MACROD2: variants seen among roughly 807,000 people sequenced by gnomAD.
MACROD2 encodes the protein ADP-ribose glycohydrolase MACROD2.
Under a neutral mutation model 70.4 loss-of-function variants are expected in MACROD2, and 36 were observed. That is an observed-to-expected ratio of 0.51 (90% CI 0.39 to 0.68). MACROD2 has a LOEUF of 0.68. Ranked by LOEUF, MACROD2 falls within the 30% of genes least tolerant of loss-of-function variation. MACROD2 has a pLI of 0.00. For synonymous variants in MACROD2, 172 were observed against 178.8 expected (o/e 0.96, Z 0.30); for missense variants, 496 against 538.4 (o/e 0.92, Z 0.78).
At chr20:14,067,489 T>A (rs2053779524) in intron 2 of MACROD2, among the ~76,000 whole-genome samples, 1 of 152,222 alleles carries the variant, frequency 6.6e-6, no homozygotes, top group African/African-American at 2.4e-5. Flanking sequence ...TACATTTTAC[T>A]AAAAGGGCAG....
At chr20:15,497,590 G>A (rs1051406942) in intron 7 of MACROD2, among the ~76,000 whole-genome samples, 10 of 151,988 alleles carry the variant, frequency 6.6e-5, no homozygotes, top group Admixed American at 1.3e-4. Context: ...GCACCTGGCC[G>A]CCTCCTTCTC....
chr20:15,668,414 A>G (rs2049931109), intron 8 of MACROD2, among the ~76,000 whole-genome samples: 3 of 151,792 alleles, frequency 2.0e-5, no homozygotes, highest in African/African-American at 7.3e-5. Context: ...CTAAAAATAC[A>G]AAAATTAGCC....
chr20:14,379,395 T>G (rs2083401474), intron 3 of MACROD2, among the ~76,000 whole-genome samples: 1 of 152,174 alleles, frequency 6.6e-6, no homozygotes, highest in African/African-American at 2.4e-5. Context: ...TTCACCCATT[T>G]AAAGTATACA....
At chr20:14,393,671 A>G (rs919234079) in intron 3 of MACROD2, among the ~76,000 whole-genome samples, 3 of 152,100 alleles carry the variant, frequency 2.0e-5, no homozygotes, top group African/African-American at 7.2e-5. Flanking sequence ...TGGCATGAGT[A>G]TAATTTCTTA....
intron 8 of MACROD2, among the ~76,000 whole-genome samples, chr20:15,797,937 C>A (rs985320439): frequency 5.3e-5 from 8 of 152,178 alleles, no homozygotes; most frequent in Non-Finnish European, 1.0e-4. Context: ...TATAAAGTCA[C>A]AGACTTTTTC....
At chr20:15,167,989 C>G (rs2076396939) in intron 5 of MACROD2, among the ~76,000 whole-genome samples, 1 of 152,186 alleles carries the variant, frequency 6.6e-6, no homozygotes, top group African/African-American at 2.4e-5. Context: ...GGTCTTTCCT[C>G]TGTCCCCACA....
At chr20:14,638,949 C>CA (rs11480800) in intron 4 of MACROD2, among the ~76,000 whole-genome samples, 16,379 of 87,276 alleles carry the variant, frequency 0.19, 2,118 homozygotes, top group African/African-American at 0.38. Flanking sequence ...GACTATGTCT[C>CA]AAAAAAAAAA....
At chr20:15,265,717 T>C (rs867782485) in intron 6 of MACROD2, among the ~76,000 whole-genome samples, 1 of 152,194 alleles carries the variant, frequency 6.6e-6, no homozygotes. Context: ...CTTCTCTTAC[T>C]GAAAAGAAAA....
chr20:14,823,128 A>G (rs773444890), intron 5 of MACROD2, among the ~76,000 whole-genome samples: 15 of 152,138 alleles, frequency 9.9e-5, no homozygotes, highest in Admixed American at 2.6e-4. Flanking sequence ...TTGAATATGC[A>G]AAACAAATTA....
chr20:15,399,986 T>C (rs1457026440), intron 6 of MACROD2, among the ~76,000 whole-genome samples: 1 of 152,144 alleles, frequency 6.6e-6, no homozygotes, highest in Non-Finnish European at 1.5e-5. Flanking sequence ...CCCACCCATG[T>C]TCAGGGACCA....
intron 5 of MACROD2, among the ~76,000 whole-genome samples, chr20:14,896,484 G>A (rs955338333): frequency 6.6e-6 from 1 of 152,044 alleles, no homozygotes. Context: ...TTCTGAAAGG[G>A]TAGTAGATTT....
intron 8 of MACROD2, among the ~76,000 whole-genome samples, chr20:15,750,584 A>G (rs1013517872): frequency 6.6e-6 from 1 of 151,912 alleles, no homozygotes; most frequent in Non-Finnish European, 1.5e-5. Context: ...TAGAAATACA[A>G]TATAATCCAG....
chr20:15,963,715 T>A (rs754556992), intron 12 of MACROD2, among the ~76,000 whole-genome samples: 7 of 152,196 alleles, frequency 4.6e-5, no homozygotes, highest in Non-Finnish European at 8.8e-5. Context: ...TAGATACGTG[T>A]AATTGACTGC....
intron 1 of MACROD2, among the ~76,000 whole-genome samples, chr20:14,001,499 A>G (rs780847334): frequency 3.9e-5 from 6 of 152,112 alleles, no homozygotes; most frequent in African/African-American, 7.2e-5. Flanking sequence ...TACTATTTGT[A>G]CATACCTGTC....
At chr20:15,228,142 T>C (rs934265451) in intron 5 of MACROD2, among the ~76,000 whole-genome samples, 10 of 152,190 alleles carry the variant, frequency 6.6e-5, no homozygotes, top group Non-Finnish European at 1.3e-4. Flanking sequence ...TTTATGCAAC[T>C]CTTGCTTGTT....
chr20:15,963,081 A>G (rs1335238597), intron 12 of MACROD2, among the ~76,000 whole-genome samples: 1 of 152,190 alleles, frequency 6.6e-6, no homozygotes, highest in Non-Finnish European at 1.5e-5. Flanking sequence ...GCTCCACATA[A>G]TAAGCCAGAG....
At chr20:14,620,496 T>A (rs578242654) in intron 4 of MACROD2, among the ~76,000 whole-genome samples, 12 of 152,206 alleles carry the variant, frequency 7.9e-5, no homozygotes, top group Admixed American at 2.0e-4. Flanking sequence ...AAAAAAAGTT[T>A]TCTTTTGTTT....
At chr20:14,648,621 C>CATATATATATATATATATATATATATAT (rs753035871) in intron 4 of MACROD2, among the ~76,000 whole-genome samples, 2 of 148,730 alleles carry the variant, frequency 1.3e-5, no homozygotes, top group African/African-American at 5.0e-5. Flanking sequence ...TTTATTTAAA[C>CATATATATATATATATATATATATATAT]ATATATATAT....
chr20:14,065,133 C>A (rs1393072227), intron 2 of MACROD2, among the ~76,000 whole-genome samples: 3 of 152,166 alleles, frequency 2.0e-5, no homozygotes, highest in Admixed American at 2.0e-4. Flanking sequence ...CCTGTGGGTC[C>A]TACCAAGGCT....
Sources: gnomAD v4.1 joint callset for allele counts (sites outside exome capture counted in the v4.1 genomes callset) on GRCh38, gnomAD v4.1.1 for gene constraint, MANE v1.5 for transcripts, NCBI Gene and HGNC (gene_info 2026-07-23, HGNC 2026-07-21) for gene names.